KCNQ5: variants seen among roughly 807,000 people sequenced by gnomAD.
KCNQ5 encodes potassium voltage-gated channel subfamily KQT member 5.
In KCNQ5, 30 loss-of-function variants were observed where a neutral mutation model predicts 98.2. The ratio of observed to expected loss-of-function variants is 0.31; its 90% CI spans 0.23 to 0.41. The LOEUF (loss-of-function observed/expected upper bound fraction) is 0.41, where lower values mean the gene tolerates loss of function less well. Among genes scored for constraint, KCNQ5 ranks in the 10% least tolerant of loss-of-function variants. The pLI is 1.00. For synonymous variants in KCNQ5, 458 were observed against 449.4 expected (o/e 1.02, Z -0.24); for missense variants, 835 against 1,182.5 (o/e 0.71, Z 4.31).
intron 3 of KCNQ5, chr6:73,043,211 T>C (rs890694929): frequency 1.4e-5 from 5 of 367,646 alleles, no homozygotes; most frequent in Middle Eastern, 3.7e-4. Context: ...ACTTCTTTCA[T>C]AGTATGCACA....
At chr6:72,642,368 T>C (rs1226584712) in intron 1 of KCNQ5, among the ~76,000 whole-genome samples, 3 of 152,034 alleles carry the variant, frequency 2.0e-5, no homozygotes, top group African/African-American at 7.2e-5. Context: ...ATGTGCAGGA[T>C]GTGCAGGTTT....
intron 1 of KCNQ5, among the ~76,000 whole-genome samples, chr6:72,809,914 GGAGCAGTTGCCAATAAGCAGTATTTTTA>G: frequency 6.6e-6 from 1 of 152,222 alleles, no homozygotes; most frequent in Non-Finnish European, 1.5e-5. Flanking sequence ...CCTCTTCCAG[GGAGCAGTTGCCAATAAGCAGTATTTTTA>G]GAGGCACATG....
chr6:72,698,261 G>T (rs1768605222), intron 1 of KCNQ5, among the ~76,000 whole-genome samples: 1 of 151,920 alleles, frequency 6.6e-6, no homozygotes, highest in Non-Finnish European at 1.5e-5. Flanking sequence ...GGAGTGCAAT[G>T]GCGTGATCTT....
At position 73,170,566 on chromosome 6, in the gene KCNQ5, C is replaced by CAAA. The variant is rs11390332; in HGVS notation, c.1577+724_1577+726dup. Among the ~76,000 whole-genome samples, 46 of 136,754 alleles carry CAAA rather than the reference C, an allele frequency of 3.4e-4. No homozygotes were observed. The East Asian group carries it at 8.0e-3, about 24-fold the overall frequency. The allele number at this position is 136,754 out of a possible 152,430, so 89.7% of individuals were successfully genotyped here. On this transcript the variant is annotated intron_variant, in intron 11 of 13. Transcript: ENST00000370398. ...CAAGGAATGCTGAGTAACTATATTG[C>CAAA]AAAAAAAAAAAAAAGAAAAGAAAAG...
rs1582203530 is a variant in KCNQ5 at position 73,020,899 on chromosome 6, CCCTTAAA to C, written c.489+16902_489+16908del. ...TCTAGGCTAATTGCTGCACCAATTTCCCTTAAAGGTGCCCACACATGCACACACACAC... is the reference window on the plus strand; with the variant it reads ...TCTAGGCTAATTGCTGCACCAATTTCGGTGCCCACACATGCACACACACAC... On this transcript the variant is annotated intron_variant, in intron 2 of 13. Coordinates refer to ENST00000370398, the MANE Select transcript of KCNQ5 (RefSeq NM_019842.4). Among the ~76,000 whole-genome samples, 5 of 151,204 alleles carry C rather than the reference CCCTTAAA, an allele frequency of 3.3e-5. No homozygotes were observed. The East Asian group carries it at 9.7e-4, about 29-fold the overall frequency.
chr6:73,162,465 C>T (rs964619500), intron 10 of KCNQ5, among the ~76,000 whole-genome samples: 1 of 152,170 alleles, frequency 6.6e-6, no homozygotes, highest in Admixed American at 6.5e-5. Flanking sequence ...GGCATTTTGC[C>T]CTTTTCTGAG....
chr6:72,695,568 T>A (rs1250850159), intron 1 of KCNQ5, among the ~76,000 whole-genome samples: 1 of 152,170 alleles, frequency 6.6e-6, no homozygotes, highest in Non-Finnish European at 1.5e-5. Context: ...ACAAAAATCA[T>A]GTAACAACAC....
At chr6:72,784,390 CA>C (rs1410164897) in intron 1 of KCNQ5, among the ~76,000 whole-genome samples, 1 of 152,122 alleles carries the variant, frequency 6.6e-6, no homozygotes, top group African/African-American at 2.4e-5. Context: ...AAGAGAAGCA[CA>C]GTCATTGGGA....
intron 1 of KCNQ5, among the ~76,000 whole-genome samples, chr6:72,688,361 G>A (rs1005088384): frequency 6.6e-6 from 1 of 152,104 alleles, no homozygotes; most frequent in Admixed American, 6.6e-5. Context: ...TAAGATCCAA[G>A]TTTACTTCCA....
intron 1 of KCNQ5, among the ~76,000 whole-genome samples, chr6:72,830,215 C>T (rs551827859): frequency 1.3e-3 from 203 of 152,164 alleles, no homozygotes; most frequent in African/African-American, 4.4e-3. Context: ...ACTTTCTTCA[C>T]AGAATTGGAA....
intron 2 of KCNQ5, among the ~76,000 whole-genome samples, chr6:73,022,339 A>G (rs1272525895): frequency 1.3e-5 from 2 of 152,134 alleles, no homozygotes; most frequent in Admixed American, 1.3e-4. Context: ...CTTTTAAAGC[A>G]CTGTGTCCAG....
chr6:73,120,073 A>G (rs1325641368), intron 7 of KCNQ5, among the ~76,000 whole-genome samples: 1 of 86,812 alleles, frequency 1.2e-5, no homozygotes, highest in Admixed American at 1.6e-4. Context: ...CTCCATCTCT[A>G]CTAAAAGTAC....
intron 7 of KCNQ5, among the ~76,000 whole-genome samples, chr6:73,115,143 T>G (rs2150432291): frequency 6.9e-6 from 1 of 145,652 alleles, no homozygotes; most frequent in South Asian, 2.2e-4. Flanking sequence ...AATAAATAAA[T>G]AAATAAGAAC....
chr6:72,758,288 C>T (rs1005052200), intron 1 of KCNQ5, among the ~76,000 whole-genome samples: 2 of 152,156 alleles, frequency 1.3e-5, no homozygotes, highest in African/African-American at 4.8e-5. Context: ...TCCCAGCCCT[C>T]CATTCTCCCT....
At chr6:73,006,159 T>C (rs1448406905) in intron 2 of KCNQ5, among the ~76,000 whole-genome samples, 3 of 152,210 alleles carry the variant, frequency 2.0e-5, no homozygotes, top group Non-Finnish European at 4.4e-5. Flanking sequence ...ATGACAAATC[T>C]TAATGATTTA....
chr6:73,033,632 AT>A (rs943272546), intron 2 of KCNQ5, among the ~76,000 whole-genome samples: 1 of 152,012 alleles, frequency 6.6e-6, no homozygotes, highest in African/African-American at 2.4e-5. Context: ...TACCTCAGTC[AT>A]TTTTTTCCAA....
At chr6:73,191,806 A>G (rs754125892) in intron 12 of KCNQ5, among the ~76,000 whole-genome samples, 8 of 152,228 alleles carry the variant, frequency 5.3e-5, no homozygotes, top group Non-Finnish European at 8.8e-5. Context: ...GCAGGAAGTG[A>G]GTACTGCCTA....
chr6:73,105,209 T>A, intron 5 of KCNQ5, 48 bp from the exon 6 acceptor site: 1 of 1,107,120 alleles, frequency 9.0e-7, no homozygotes, highest in Non-Finnish European at 1.3e-6. Flanking sequence ...AGGTCCTAAC[T>A]TTCCTCTCAA....
At chr6:72,869,510 A>G (rs1014095139) in intron 1 of KCNQ5, among the ~76,000 whole-genome samples, 3 of 152,080 alleles carry the variant, frequency 2.0e-5, no homozygotes, top group Non-Finnish European at 2.9e-5. Flanking sequence ...CCATTTTCTC[A>G]TTTACTTTGG....
Sources: gnomAD v4.1 joint callset for allele counts (sites outside exome capture counted in the v4.1 genomes callset) on GRCh38, gnomAD v4.1.1 for gene constraint, MANE v1.5 for transcripts, NCBI Gene and HGNC (gene_info 2026-07-23, HGNC 2026-07-21) for gene names.